SAMD3: variants seen among roughly 807,000 people sequenced by gnomAD.
SAMD3 encodes the protein sterile alpha motif domain containing 3.
A neutral mutation model predicts 58.5 loss-of-function variants in SAMD3; 63 were observed. The ratio of observed to expected loss-of-function variants is 1.08; its 90% confidence interval spans 0.88 to 1.33. The LOEUF is 1.33. SAMD3 is among the 40% of genes most tolerant of loss of function. The pLI, the probability that SAMD3 is intolerant of heterozygous loss-of-function variation, is 0.00. For missense variants in SAMD3, 604 were observed against 608.4 expected (o/e 0.99, Z 0.08); for synonymous variants, 220 against 210.3 (o/e 1.05, Z -0.40).
intron 7 of SAMD3, among the ~76,000 whole-genome samples, chr6:130,180,389 C>T (rs1792195990): frequency 6.7e-6 from 1 of 149,264 alleles, no homozygotes; most frequent in Non-Finnish European, 1.5e-5. Context: ...TCCGCCTTGG[C>T]CTCCCAAAAT....
chr6:130,164,750 A>G (rs959120459), intron 8 of SAMD3, among the ~76,000 whole-genome samples: 2 of 152,006 alleles, frequency 1.3e-5, no homozygotes, highest in South Asian at 2.1e-4. Flanking sequence ...AAAAAAGGGG[A>G]AAATGAGGAA....
intron 1 of SAMD3, among the ~76,000 whole-genome samples, chr6:130,325,197 G>A (rs1198373988): frequency 6.6e-6 from 1 of 152,178 alleles, no homozygotes; most frequent in Non-Finnish European, 1.5e-5. Context: ...TATATAGAGA[G>A]ATATGTAAGA....
At chr6:130,237,640 C>A (rs943846223) in intron 2 of SAMD3, among the ~76,000 whole-genome samples, 21 of 152,146 alleles carry the variant, frequency 1.4e-4, no homozygotes, top group Admixed American at 1.2e-3. Context: ...TCACCTTAAT[C>A]CTTTGAAGTC....
chr6:130,188,130 T>C (rs1423824938), intron 5 of SAMD3, among the ~76,000 whole-genome samples: 2 of 152,224 alleles, frequency 1.3e-5, no homozygotes, highest in African/African-American at 2.4e-5. Context: ...GCTAACTGAC[T>C]CTCCAACATT....
chr6:130,344,413 G>T (rs963070681), intron 1 of SAMD3, among the ~76,000 whole-genome samples: 1 of 151,928 alleles, frequency 6.6e-6, no homozygotes, highest in Non-Finnish European at 1.5e-5. Context: ...ACAGAGTCTC[G>T]CTCTGTCGCC....
chr6:130,164,821 TCAC>T (rs1233351002), intron 8 of SAMD3, among the ~76,000 whole-genome samples: 1 of 152,118 alleles, frequency 6.6e-6, no homozygotes, highest in African/African-American at 2.4e-5. Context: ...GCCAGCCTTG[TCAC>T]CACACCTAAC....
intron 5 of SAMD3, among the ~76,000 whole-genome samples, chr6:130,188,484 G>T (rs1377670258): frequency 6.6e-6 from 1 of 152,154 alleles, no homozygotes; most frequent in Non-Finnish European, 1.5e-5. Flanking sequence ...ATTTGATGTG[G>T]TCTCGGCAAA....
At chr6:130,314,780 T>A (rs1365564005) in intron 1 of SAMD3, among the ~76,000 whole-genome samples, 2 of 152,142 alleles carry the variant, frequency 1.3e-5, no homozygotes, top group Non-Finnish European at 2.9e-5. Context: ...AAAAACATAA[T>A]AGATAAAATA....
At chr6:130,272,101 T>A (rs1774586094) in intron 2 of SAMD3, among the ~76,000 whole-genome samples, 1 of 152,360 alleles carries the variant, frequency 6.6e-6, no homozygotes, top group East Asian at 1.9e-4. Flanking sequence ...TCCAAGATTA[T>A]AAATAATACT....
At chr6:130,190,315 C>CA (rs66979213) in intron 5 of SAMD3, among the ~76,000 whole-genome samples, 111,011 of 147,838 alleles carry the variant, frequency 0.75, 41,794 homozygotes, top group African/African-American at 0.82. Context: ...ATGTAACGTA[C>CA]AAAAAAAAAA....
intron 5 of SAMD3, among the ~76,000 whole-genome samples, chr6:130,208,187 A>C (rs147199091): frequency 6.6e-6 from 1 of 152,386 alleles, no homozygotes; most frequent in Non-Finnish European, 1.5e-5. Context: ...TGAAAACTGA[A>C]GGACCACATC....
intron 2 of SAMD3, among the ~76,000 whole-genome samples, chr6:130,278,481 T>A (rs1483441519): frequency 6.6e-6 from 1 of 152,164 alleles, no homozygotes; most frequent in Non-Finnish European, 1.5e-5. Flanking sequence ...ATTAACACAA[T>A]AAAAGAGTAT....
chr6:130,186,440 A>G (rs1478773574), intron 5 of SAMD3, among the ~76,000 whole-genome samples: 1 of 152,118 alleles, frequency 6.6e-6, no homozygotes, highest in Non-Finnish European at 1.5e-5. Flanking sequence ...CTACTATATC[A>G]GTGGCGAAAT....
chr6:130,322,068 C>A (rs1200278219), intron 1 of SAMD3, among the ~76,000 whole-genome samples: 1 of 152,148 alleles, frequency 6.6e-6, no homozygotes, highest in African/African-American at 2.4e-5. Context: ...GGGCCTGATC[C>A]AGCCACAGGG....
chr6:130,153,299 C>G (rs1211419525), intron 9 of SAMD3, among the ~76,000 whole-genome samples: 3 of 152,142 alleles, frequency 2.0e-5, no homozygotes, highest in Admixed American at 1.3e-4. Flanking sequence ...CAAGCGAAAG[C>G]CACAGTATGG....
intron 2 of SAMD3, among the ~76,000 whole-genome samples, chr6:130,253,931 G>A (rs1417634527): frequency 6.6e-6 from 1 of 151,774 alleles, no homozygotes; most frequent in Non-Finnish European, 1.5e-5. Context: ...GCTCATGTTT[G>A]TTTTGGTCTG....
At chr6:130,320,252 G>C (rs989606442) in intron 1 of SAMD3, among the ~76,000 whole-genome samples, 3 of 152,092 alleles carry the variant, frequency 2.0e-5, no homozygotes, top group Non-Finnish European at 4.4e-5. Flanking sequence ...AATCTGAACA[G>C]AAGCTTCATC....
chr6:130,221,895 C>T (rs1381608163), intron 1 of SAMD3: 6 of 152,048 alleles, frequency 3.9e-5, no homozygotes, highest in African/African-American at 1.4e-4. Flanking sequence ...AAATTTTAAA[C>T]CAGTATCTGA....
chr6:130,215,205 A>G lies in SAMD3; in HGVS notation c.69T>C (p.His23=), dbSNP rs1312975223. Residue 23 remains histidine (H), a synonymous_variant, in exon 3 of 12, where the codon CAT becomes CAC. Transcript: ENST00000439090. ...GCATAAACAACTCACCTTGAAATCT[A>G]TGAACTAGCTCTCCTAAATTTTTCT... is the stretch of plus-strand genomic sequence containing the variant. ...LVEKNLGELV[H]RFQEEEVSGA... The G allele has an allele frequency of 3.8e-6, 6 of 1,591,986 alleles. No individual in the cohort carries two copies. In the East Asian group the frequency reaches 9.0e-5, roughly 24 times the overall value.
Sources: gnomAD v4.1 joint callset for allele counts (sites outside exome capture counted in the v4.1 genomes callset) on GRCh38, gnomAD v4.1.1 for gene constraint, MANE v1.5 for transcripts, NCBI Gene and HGNC (gene_info 2026-07-23, HGNC 2026-07-21) for gene names.